NECTIN1: variants seen among roughly 807,000 people sequenced by gnomAD.
NECTIN1 encodes the protein nectin cell adhesion molecule 1.
A neutral mutation model predicts 48.0 loss-of-function variants in NECTIN1; 23 were observed. That is an observed-to-expected ratio of 0.48 (90% CI 0.34 to 0.68). The LOEUF is 0.68. Ranked by LOEUF, NECTIN1 falls within the 30% of genes least tolerant of loss-of-function variation. NECTIN1 has a pLI of 0.01. For missense variants in NECTIN1, 591 were observed against 709.9 expected (o/e 0.83, Z 1.90); for synonymous variants, 270 against 288.9 (o/e 0.93, Z 0.66).
Position 119,667,232 on chromosome 11 carries a change from T to A in NECTIN1, c.1004-1935A>T, listed in dbSNP as rs189122176. 8.4e-3 allele frequency among the ~76,000 whole-genome samples: 1,276 copies of A among 152,192 alleles called. 14 individuals are homozygous for A. Among genetic ancestry groups the A allele is most frequent in the African/African-American group, 0.024 (1,007 of 41,518 alleles). ...GATGGGAGCAGCCTCCACCAGGGGT[T>A]CCCCAGAGGCAGCTGGGAAGAACCT... On this transcript the variant is annotated intron_variant, in intron 5 of 5. Coordinates refer to ENST00000264025, the MANE Select transcript of NECTIN1 (RefSeq NM_002855.5).
intron 1 of NECTIN1, among the ~76,000 whole-genome samples, chr11:119,707,499 G>A (rs1865569526): frequency 6.6e-6 from 1 of 151,828 alleles, no homozygotes; most frequent in South Asian, 2.1e-4. Flanking sequence ...ACTCCACAAG[G>A]CTGTCGAACA....
chr11:119,691,221 T>C (rs746830739), intron 1 of NECTIN1, among the ~76,000 whole-genome samples: 3 of 152,166 alleles, frequency 2.0e-5, no homozygotes, highest in Non-Finnish European at 4.4e-5. Flanking sequence ...TGTTAACCTC[T>C]TCCTGGTTTA....
chr11:119,647,160 CATGTGTGTGTGT>C (rs1275700183), intron 5 of NECTIN1, among the ~76,000 whole-genome samples: 37 of 71,358 alleles, frequency 5.2e-4, no homozygotes, highest in African/African-American at 1.6e-3. Flanking sequence ...GCTTGCGGCG[CATGTGTGTGTGT>C]GTGTGTGTGT....
Position 119,661,040 on chromosome 11 carries a change from TAC to T in NECTIN1, c.*3705_*3706del, listed in dbSNP as rs1475878263. On this transcript the variant is annotated 3_prime_UTR_variant, in exon 6 of 6. Transcript: ENST00000264025. ...AAAAAAGTACATTTTTAATCCTCAG[TAC>T]ATTTTCAACCCATCATTTTTTTTTA... 4.1e-6 allele frequency: 4 copies of T among 981,130 alleles called. No homozygotes were observed. Among genetic ancestry groups the T allele is most frequent in the Non-Finnish European group, 4.8e-6 (4 of 825,842 alleles). 60.8% of individuals were successfully genotyped at this position (981,130 alleles called of 1,614,324 possible). A position where few individuals can be genotyped will look rare whatever the true frequency, so the allele number is the denominator to read the frequency against.
In NECTIN1 at chr11:119,684,116, T is replaced by C. The variant is rs896824958; in HGVS notation, c.80-5351A>G. Among the ~76,000 whole-genome samples, 2 of 152,212 alleles carry C rather than the reference T, an allele frequency of 1.3e-5. No individual in the cohort carries two copies. Among genetic ancestry groups the C allele is most frequent in the Non-Finnish European group, 2.9e-5 (2 of 68,034 alleles). ...ACACTTCGCTCCCCACATACCCACTTAAAGCAGTTTCTCTTCCTGCCCTTT... is the reference window on the plus strand; with the variant it reads ...ACACTTCGCTCCCCACATACCCACTCAAAGCAGTTTCTCTTCCTGCCCTTT... On this transcript the variant is annotated intron_variant, in intron 1 of 5. Coordinates refer to ENST00000264025, the MANE Select transcript of NECTIN1 (RefSeq NM_002855.5). This position sits in a 1 kb window ranked among gnomAD's most constrained non-coding sequence, Gnocchi z 5.2.
chr11:119,677,377 T>G lies in NECTIN1; in HGVS notation c.734-158A>C, dbSNP rs1864971619. ...GGGTGGCAATCACAGAGCCCGGGAGTGGAAACAGGAGGGCGACAGGGAAGG... is the reference window on the plus strand; with the variant it reads ...GGGTGGCAATCACAGAGCCCGGGAGGGGAAACAGGAGGGCGACAGGGAAGG... On this transcript the variant is annotated intron_variant, in intron 3 of 5. Transcript: ENST00000264025. This position sits in a 1 kb window ranked among gnomAD's most constrained non-coding sequence, Gnocchi z 5.4. Among the ~76,000 whole-genome samples the G allele has an allele frequency of 3.4e-5, 5 of 147,024 alleles. No individual in the cohort carries two copies. Among genetic ancestry groups the G allele is most frequent in the South Asian group, 2.2e-4 (1 of 4,588 alleles).
rs1864675713 is a variant in NECTIN1 at position 119,662,047 on chromosome 11, G to A, written c.*2700C>T. On this transcript the variant is annotated 3_prime_UTR_variant, in exon 6 of 6. Transcript: ENST00000264025. The surrounding 1 kb of genome is among the most constrained non-coding windows in gnomAD (Gnocchi z 5.3). ...AATATCAAAATCTGTAAGGAAACAG[G>A]GGCATGGGTGTGGGGTGGGGGGCAA... 1.3e-5 allele frequency: 13 copies of A among 985,274 alleles called. No homozygotes were observed. The highest frequency in any genetic ancestry group is 1.6e-5 in the Non-Finnish European group (13 of 829,912). 61.0% of individuals were successfully genotyped at this position (985,274 alleles called of 1,614,324 possible). A position where few individuals can be genotyped will look rare whatever the true frequency, so the allele number is the denominator to read the frequency against.
rs762761527 is a variant in NECTIN1, at chr11:119,677,599, T to C, written c.689A>G (p.Tyr230Cys). ...GCTTTCCTTGAAGCGGTCCATGTGG[T>C]AGTTGACGATGCAGGCCAAGGACTG... ...HQQSLACIVNYHMDRFKESLT... is the reference protein window; with the variant it reads ...HQQSLACIVNCHMDRFKESLT... Residue 230 changes from tyrosine to cysteine, a missense_variant, in exon 3 of 6, where the codon TAC (tyrosine) becomes TGC (cysteine). Tyr to Cys is a radical substitution (Grantham distance 194). Transcript: ENST00000264025. The surrounding 1 kb of genome is among the most constrained non-coding windows in gnomAD (Gnocchi z 5.4). The C allele has an allele frequency of 8.7e-6, 14 of 1,613,180 alleles. No individual in the cohort carries two copies. In the East Asian group the frequency reaches 2.9e-4, roughly 33 times the overall value.
chr11:119,686,120 A>G (rs1175921659), intron 1 of NECTIN1, among the ~76,000 whole-genome samples: 1 of 152,180 alleles, frequency 6.6e-6, no homozygotes, highest in Admixed American at 6.5e-5. Context: ...GGACTCTCCT[A>G]CAGTCAAGTA....
In NECTIN1 at chr11:119,664,400, A is replaced by G; in HGVS notation, c.*347T>C. ...AAATTCCAGTGTAGGGGGGCGGGGGAGGCTGGCTCCCCAAACCCTGGAGGG... is the reference window on the plus strand; with the variant it reads ...AAATTCCAGTGTAGGGGGGCGGGGGGGGCTGGCTCCCCAAACCCTGGAGGG... On this transcript the variant is annotated 3_prime_UTR_variant, in exon 6 of 6. Coordinates refer to ENST00000264025, the MANE Select transcript of NECTIN1 (RefSeq NM_002855.5). The G allele has an allele frequency of 9.3e-7, 1 of 1,077,446 alleles. No homozygotes were observed. The highest frequency in any genetic ancestry group is 1.1e-6 in the Non-Finnish European group (1 of 887,904). The allele number at this position is 1,077,446 out of a possible 1,614,324, so 66.7% of individuals were successfully genotyped here. A position where few individuals can be genotyped will look rare whatever the true frequency, so the allele number is the denominator to read the frequency against.
chr11:119,711,071 A>C (rs930530039), intron 1 of NECTIN1, among the ~76,000 whole-genome samples: 4 of 138,834 alleles, frequency 2.9e-5, no homozygotes, highest in South Asian at 2.5e-4. Context: ...AAAAAAAAAA[A>C]AAAACCAAAA....
At chr11:119,717,400 A>T (rs1865759982) in intron 1 of NECTIN1, among the ~76,000 whole-genome samples, 2 of 152,198 alleles carry the variant, frequency 1.3e-5, no homozygotes, top group South Asian at 4.1e-4. Flanking sequence ...AAATCTGGGA[A>T]GTTGCTGGGT....
At chr11:119,726,143 C>T (rs991143898) in intron 1 of NECTIN1, among the ~76,000 whole-genome samples, 4 of 152,188 alleles carry the variant, frequency 2.6e-5, no homozygotes, top group African/African-American at 7.2e-5. Flanking sequence ...TCTCCTCAAA[C>T]CCCCAGACCC....
chr11:119,638,121 C>G, exon 8 of NECTIN1: 1 of 1,613,376 alleles, frequency 6.2e-7, no homozygotes, highest in Non-Finnish European at 8.5e-7. Flanking sequence ...CCTCGAGGTT[C>G]GGTTGTCCTT....
chr11:119,665,019 CCTT>C lies in NECTIN1; in HGVS notation c.1279_1281del (p.Lys427del), dbSNP rs1022251180. The stretch of plus-strand genomic sequence containing the variant: ...TAGCTGCTTCCACCCAGTGGGCCGG[CCTT>C]CTTCTCGTCGTCTGAGTCGTCGGGG... On this transcript the variant is annotated inframe_deletion, in exon 6 of 6. Coordinates refer to ENST00000264025, the MANE Select transcript of NECTIN1 (RefSeq NM_002855.5). The surrounding 1 kb of genome is among the most constrained non-coding windows in gnomAD (Gnocchi z 5.1). 3.1e-6 allele frequency: 5 copies of C among 1,613,742 alleles called. No homozygotes were observed. The highest frequency in any genetic ancestry group is 2.7e-5 in the African/African-American group (2 of 74,900).
intron 1 of NECTIN1, among the ~76,000 whole-genome samples, chr11:119,723,347 T>G (rs11217429): frequency 0.47 from 70,842 of 151,892 alleles, 17,588 homozygotes; most frequent in Non-Finnish European, 0.54. Context: ...GCAATCTCAT[T>G]ATGCTGGGCT....
At chr11:119,656,973 T>C (rs1398914921), downstream of NECTIN1, among the ~76,000 whole-genome samples, 1 of 152,136 alleles carries the variant, frequency 6.6e-6, no homozygotes, top group Non-Finnish European at 1.5e-5. Flanking sequence ...CAAGCGCCTA[T>C]AGGTGGTCTA....
intron 6 of NECTIN1, among the ~76,000 whole-genome samples, chr11:119,639,019 G>A (rs960915478): frequency 6.6e-6 from 1 of 152,086 alleles, no homozygotes; most frequent in Non-Finnish European, 1.5e-5. Flanking sequence ...ACCTTTCCCA[G>A]GTGTGTCTGC....
rs1864680732 is a variant in NECTIN1 at position 119,662,310 on chromosome 11, T to A, written c.*2437A>T. Reference sequence around the variant, plus strand: ...AACTTGGGGCACAGAAAACCTCACATCCCTAGGTCCAAGTGCTGACTCCTG... The same window carrying A: ...AACTTGGGGCACAGAAAACCTCACAACCCTAGGTCCAAGTGCTGACTCCTG... On this transcript the variant is annotated 3_prime_UTR_variant, in exon 6 of 6. Coordinates refer to ENST00000264025, the MANE Select transcript of NECTIN1 (RefSeq NM_002855.5). The surrounding 1 kb of genome is among the most constrained non-coding windows in gnomAD (Gnocchi z 5.3). 1.0e-6 allele frequency: 1 copy of A among 985,624 alleles called. No individual in the cohort carries two copies. Among genetic ancestry groups the A allele is most frequent in the African/African-American group, 1.7e-5 (1 of 57,278 alleles). The allele number at this position is 985,624 out of a possible 1,614,324, so 61.1% of individuals were successfully genotyped here.
Sources: allele counts gnomAD v4.1 joint callset (sites outside exome capture counted in the v4.1 genomes callset), GRCh38; gene constraint gnomAD v4.1.1; non-coding constraint Gnocchi (gnomAD v3.1); transcripts MANE v1.5; gene names NCBI Gene and HGNC (gene_info 2026-07-23, HGNC 2026-07-21).